Variants in ROBO1 observed in about 807,000 individuals in gnomAD.
ROBO1 encodes the protein roundabout guidance receptor 1.
A neutral mutation model predicts 195.9 loss-of-function variants in ROBO1; 149 were observed. The observed-to-expected ratio is 0.76, with a 90% CI of 0.67 to 0.87. The LOEUF is 0.87. ROBO1 is among the 40% of genes least tolerant of loss of function. The pLI, the probability that ROBO1 is intolerant of heterozygous loss-of-function variation, is 0.00. For missense variants in ROBO1, 1,933 were observed against 2,068.3 expected (o/e 0.93, Z 1.27); for synonymous variants, 816 against 733.2 (o/e 1.11, Z -1.82).
intron 3 of ROBO1, among the ~76,000 whole-genome samples, chr3:78,980,905 TAATTTA>T (rs1413956478): frequency 6.6e-6 from 1 of 152,194 alleles, no homozygotes; most frequent in Non-Finnish European, 1.5e-5. Context: ...AAAAATATTT[TAATTTA>T]AACTATAAAC....
At chr3:79,359,578 G>A (rs979634005) in intron 2 of ROBO1, among the ~76,000 whole-genome samples, 2 of 151,868 alleles carry the variant, frequency 1.3e-5, no homozygotes, top group Non-Finnish European at 2.9e-5. Context: ...TGTCATGATA[G>A]GTTATATTTT....
At chr3:79,471,695 T>C (rs1938280027) in intron 2 of ROBO1, among the ~76,000 whole-genome samples, 1 of 152,076 alleles carries the variant, frequency 6.6e-6, no homozygotes, top group Admixed American at 6.6e-5. Flanking sequence ...AAAATATCCA[T>C]CAATGATACA....
At chr3:79,332,826 T>A (rs532104248) in intron 2 of ROBO1, among the ~76,000 whole-genome samples, 1 of 152,340 alleles carries the variant, frequency 6.6e-6, no homozygotes, top group Non-Finnish European at 1.5e-5. Context: ...GCACTGGAGA[T>A]AAAGTAATAA....
intron 3 of ROBO1, among the ~76,000 whole-genome samples, chr3:79,119,246 T>C (rs2080070944): frequency 6.6e-6 from 1 of 152,200 alleles, no homozygotes; most frequent in Non-Finnish European, 1.5e-5. Flanking sequence ...ACTCCAATTA[T>C]TGTTAGAGCT....
intron 3 of ROBO1, among the ~76,000 whole-genome samples, chr3:79,014,805 T>A (rs1161012873): frequency 6.6e-6 from 1 of 152,222 alleles, no homozygotes; most frequent in East Asian, 1.9e-4. Flanking sequence ...ATTAAACATT[T>A]TTTTAAAGGT....
In ROBO1 at chr3:79,241,344, C is replaced by T. The variant is rs987123051; in HGVS notation, c.89-115805G>A. On this transcript the variant is annotated intron_variant, in intron 2 of 30. Coordinates refer to ENST00000464233, the MANE Select transcript of ROBO1 (RefSeq NM_002941.4). ...TCTATGTTCCTATATGTTTAGATTG[C>T]CATACATTCATTTATTATTCATACA... 4.5e-4 allele frequency among the ~76,000 whole-genome samples: 69 copies of T among 152,214 alleles called. 1 individual carries two copies. Among genetic ancestry groups the T allele is most frequent in the Non-Finnish European group, 8.1e-4 (55 of 67,998 alleles).
intron 8 of ROBO1, among the ~76,000 whole-genome samples, chr3:78,704,623 C>A (rs532535877): frequency 7.1e-6 from 1 of 141,144 alleles, no homozygotes; most frequent in Non-Finnish European, 1.5e-5. Context: ...CAGACACACA[C>A]ACACGAGTCT....
intron 3 of ROBO1, chr3:79,018,858 G>A (rs1334223368): frequency 9.9e-7 from 1 of 1,005,110 alleles, no homozygotes; most frequent in East Asian, 9.6e-5. Flanking sequence ...AGGCGCGGCG[G>A]CGGCGGCAAA....
chr3:78,794,790 C>T (rs989052650), intron 4 of ROBO1, among the ~76,000 whole-genome samples: 3 of 152,070 alleles, frequency 2.0e-5, no homozygotes, highest in Non-Finnish European at 2.9e-5. Flanking sequence ...CCATATTGCC[C>T]AGGCTGGTCT....
chr3:79,560,884 G>A (rs759861845), intron 2 of ROBO1, among the ~76,000 whole-genome samples: 1 of 152,052 alleles, frequency 6.6e-6, no homozygotes, highest in Non-Finnish European at 1.5e-5. Context: ...GCCAACAATT[G>A]CTATGATATG....
chr3:79,079,155 A>G (rs1204055736), intron 3 of ROBO1, among the ~76,000 whole-genome samples: 1 of 151,760 alleles, frequency 6.6e-6, no homozygotes, highest in Non-Finnish European at 1.5e-5. Flanking sequence ...TTGTCAAATA[A>G]CACCATATTG....
chr3:79,306,613 C>A (rs996092573), intron 2 of ROBO1, among the ~76,000 whole-genome samples: 2 of 152,062 alleles, frequency 1.3e-5, no homozygotes, highest in African/African-American at 4.8e-5. Context: ...CCAGTGAAAG[C>A]GAAAAGCAAG....
intron 2 of ROBO1, among the ~76,000 whole-genome samples, chr3:79,376,146 A>G (rs913000621): frequency 1.6e-4 from 25 of 152,206 alleles, no homozygotes; most frequent in African/African-American, 6.0e-4. Flanking sequence ...TTGAGTTTAC[A>G]CAATTCATTT....
At chr3:79,285,252 A>G (rs1281007401) in intron 2 of ROBO1, among the ~76,000 whole-genome samples, 1 of 152,210 alleles carries the variant, frequency 6.6e-6, no homozygotes, top group African/African-American at 2.4e-5. Flanking sequence ...TCTCACACTC[A>G]CTTGACTTAA....
chr3:79,550,395 A>T (rs1298234064), intron 2 of ROBO1, among the ~76,000 whole-genome samples: 1 of 152,162 alleles, frequency 6.6e-6, no homozygotes. Flanking sequence ...AAGTCAAAGC[A>T]CATGGTAAGC....
At chr3:79,543,013 G>A (rs1218263764) in intron 2 of ROBO1, among the ~76,000 whole-genome samples, 6 of 151,894 alleles carry the variant, frequency 4.0e-5, no homozygotes, top group African/African-American at 7.3e-5. Flanking sequence ...CATAAAATGG[G>A]ATTTCAAAGT....
chr3:79,141,365 CCA>C (rs2080521238), intron 2 of ROBO1, among the ~76,000 whole-genome samples: 1 of 152,112 alleles, frequency 6.6e-6, no homozygotes, highest in Non-Finnish European at 1.5e-5. Context: ...CCTTTCTTAA[CCA>C]CAGTCACGGT....
At chr3:79,490,723 G>A (rs1575905750) in intron 2 of ROBO1, among the ~76,000 whole-genome samples, 1 of 152,290 alleles carries the variant, frequency 6.6e-6, no homozygotes, top group Non-Finnish European at 1.5e-5. Context: ...TGCAGTCTCT[G>A]AAGGAAATGC....
At chr3:78,741,061 T>C (rs966802175) in intron 5 of ROBO1, among the ~76,000 whole-genome samples, 21 of 152,306 alleles carry the variant, frequency 1.4e-4, no homozygotes, top group African/African-American at 5.1e-4. Flanking sequence ...AGATAAACTA[T>C]ACAGTTGCTC....
Sources: gnomAD v4.1 joint callset for allele counts (sites outside exome capture counted in the v4.1 genomes callset) on GRCh38, gnomAD v4.1.1 for gene constraint, MANE v1.5 for transcripts, NCBI Gene and HGNC (gene_info 2026-07-23, HGNC 2026-07-21) for gene names.